Variants in BMPR1B observed in about 807,000 individuals in gnomAD.
BMPR1B encodes the protein bone morphogenetic protein receptor type-1B.
BMPR1B carries 12 observed loss-of-function variants against 59.1 expected under a neutral mutation model. The ratio of observed to expected loss-of-function variants is 0.20; its 90% CI spans 0.13 to 0.33. The LOEUF (loss-of-function observed/expected upper bound fraction) is 0.33. BMPR1B is among the 10% of genes least tolerant of loss of function. The pLI, the probability that BMPR1B is intolerant of heterozygous loss-of-function variation, is 1.00. For synonymous variants in BMPR1B, 237 were observed against 207.3 expected (o/e 1.14, Z -1.23); for missense variants, 550 against 610.9 (o/e 0.90, Z 1.05).
At chr4:94,884,229 T>C (rs1228770763) in intron 2 of BMPR1B, among the ~76,000 whole-genome samples, 1 of 152,110 alleles carries the variant, frequency 6.6e-6, no homozygotes, top group Non-Finnish European at 1.5e-5. Flanking sequence ...CAGTTTCATA[T>C]AAAAAACTGA....
chr4:94,956,856 A>G (rs999662951), intron 2 of BMPR1B, among the ~76,000 whole-genome samples: 1 of 152,052 alleles, frequency 6.6e-6, no homozygotes, highest in African/African-American at 2.4e-5. Flanking sequence ...AATTGTAACT[A>G]CATCTTTTTC....
intron 2 of BMPR1B, among the ~76,000 whole-genome samples, chr4:94,939,178 A>G (rs1453610693): frequency 6.6e-6 from 1 of 152,190 alleles, no homozygotes; most frequent in Non-Finnish European, 1.5e-5. Flanking sequence ...AAGGAAACTG[A>G]TGATAGAACC....
intron 2 of BMPR1B, among the ~76,000 whole-genome samples, chr4:94,885,289 C>T (rs138811817): frequency 0.013 from 2,046 of 152,212 alleles, 37 homozygotes; most frequent in African/African-American, 0.042. Flanking sequence ...GTGCCTTTTC[C>T]ACCTAGTCAC....
At chr4:94,786,488 ATAGC>A (rs1722767252) in intron 1 of BMPR1B, among the ~76,000 whole-genome samples, 1 of 151,986 alleles carries the variant, frequency 6.6e-6, no homozygotes, top group Non-Finnish European at 1.5e-5. Context: ...CACCTCCCAA[ATAGC>A]TAGGATTATG....
intron 3 of BMPR1B, among the ~76,000 whole-genome samples, chr4:95,084,966 C>T (rs1057485443): frequency 1.1e-4 from 17 of 152,102 alleles, no homozygotes; most frequent in Non-Finnish European, 8.8e-5. Flanking sequence ...TCCTGTTACA[C>T]GTGTGACTTG....
At chr4:95,117,737 A>G (rs1251465322) in intron 6 of BMPR1B, among the ~76,000 whole-genome samples, 1 of 152,048 alleles carries the variant, frequency 6.6e-6, no homozygotes, top group African/African-American at 2.4e-5. Flanking sequence ...ATTGCGCTAC[A>G]GTCCTGCCAC....
chr4:95,002,749 C>T (rs4586955), intron 3 of BMPR1B, among the ~76,000 whole-genome samples: 35,930 of 151,954 alleles, frequency 0.24, 5,307 homozygotes, highest in African/African-American at 0.42. Context: ...TGATAATTTT[C>T]GATTGGATTA....
intron 2 of BMPR1B, among the ~76,000 whole-genome samples, chr4:94,892,543 C>A: frequency 6.6e-6 from 1 of 151,248 alleles, no homozygotes. Flanking sequence ...GAGCTGAAGA[C>A]CAAAAAAAGG....
At chr4:94,859,276 AAG>A (rs1383983650) in intron 1 of BMPR1B, among the ~76,000 whole-genome samples, 1 of 152,216 alleles carries the variant, frequency 6.6e-6, no homozygotes, top group Non-Finnish European at 1.5e-5. Context: ...TTTTTAAAAA[AAG>A]AATTACTTTT....
intron 3 of BMPR1B, among the ~76,000 whole-genome samples, chr4:95,029,489 G>A (rs1362364343): frequency 1.3e-5 from 2 of 152,022 alleles, no homozygotes; most frequent in Admixed American, 1.3e-4. Flanking sequence ...TCTTAATCCA[G>A]TCTATCATTG....
At chr4:94,963,231 C>T (rs1250921736) in intron 2 of BMPR1B, among the ~76,000 whole-genome samples, 1 of 151,928 alleles carries the variant, frequency 6.6e-6, no homozygotes, top group Non-Finnish European at 1.5e-5. Flanking sequence ...TTCCTTGTAT[C>T]TTCTGGTTAT....
chr4:94,867,111 T>C (rs953854810), intron 1 of BMPR1B, among the ~76,000 whole-genome samples: 1 of 152,208 alleles, frequency 6.6e-6, no homozygotes, highest in Non-Finnish European at 1.5e-5. Flanking sequence ...TTTTACTGGC[T>C]CTTACCTGCG....
chr4:94,905,221 G>T (rs1036433989), intron 2 of BMPR1B, among the ~76,000 whole-genome samples: 2 of 151,912 alleles, frequency 1.3e-5, no homozygotes, highest in African/African-American at 2.4e-5. Flanking sequence ...GAATTTTCTT[G>T]CTTTTATTCA....
chr4:95,088,709 A>G (rs1260052580), intron 3 of BMPR1B, among the ~76,000 whole-genome samples: 1 of 152,162 alleles, frequency 6.6e-6, no homozygotes, highest in East Asian at 1.9e-4. Context: ...AAACTAAAAA[A>G]CTTCAATTGT....
At chr4:95,002,809 G>T (rs1722544956) in intron 3 of BMPR1B, among the ~76,000 whole-genome samples, 1 of 152,062 alleles carries the variant, frequency 6.6e-6, no homozygotes. Flanking sequence ...TGTCTTGCCT[G>T]CAAAGAAATG....
chr4:94,842,074 G>GT (rs1230180862), intron 1 of BMPR1B, among the ~76,000 whole-genome samples: 2 of 152,252 alleles, frequency 1.3e-5, no homozygotes, highest in African/African-American at 4.8e-5. Context: ...GGAAGGGAGA[G>GT]TGCACACACA....
chr4:94,814,820 C>A (rs1231653512), intron 1 of BMPR1B, among the ~76,000 whole-genome samples: 1 of 152,080 alleles, frequency 6.6e-6, no homozygotes, highest in Admixed American at 6.5e-5. Context: ...CACAAAATAA[C>A]AGGATTAATA....
intron 2 of BMPR1B, among the ~76,000 whole-genome samples, chr4:94,908,604 T>G (rs1033929740): frequency 1.3e-5 from 2 of 152,036 alleles, no homozygotes; most frequent in Admixed American, 1.3e-4. Flanking sequence ...ATATTAATGA[T>G]TCCCCAGTTT....
At chr4:95,012,449 T>A (rs1723289710) in intron 3 of BMPR1B, among the ~76,000 whole-genome samples, 1 of 152,220 alleles carries the variant, frequency 6.6e-6, no homozygotes, top group Non-Finnish European at 1.5e-5. Flanking sequence ...ATACAGTTTG[T>A]GAATTATTAT....
Sources: gnomAD v4.1 joint callset for allele counts (sites outside exome capture counted in the v4.1 genomes callset) on GRCh38, gnomAD v4.1.1 for gene constraint, MANE v1.5 for transcripts, NCBI Gene and HGNC (gene_info 2026-07-23, HGNC 2026-07-21) for gene names.